SUPT3H: variants seen among roughly 807,000 people sequenced by gnomAD.
SUPT3H encodes the protein SPT3 homolog, SAGA and STAGA complex component, also known as transcription initiation protein SPT3 homolog.
In SUPT3H, 44 loss-of-function variants were observed where a neutral mutation model predicts 44.3. The ratio of observed to expected loss-of-function variants is 0.99; its 90% CI spans 0.78 to 1.28. The LOEUF is 1.28. Ranked by LOEUF, SUPT3H falls within the 50% of genes most tolerant of loss-of-function variation. The pLI is 0.00. For missense variants in SUPT3H, 380 were observed against 387.1 expected, an observed-to-expected ratio of 0.98 and a Z score of 0.15; for synonymous variants, 124 against 125.6, an observed-to-expected ratio of 0.99 and a Z score of 0.09.
Position 44,856,140 on chromosome 6 carries a change from C to T in SUPT3H, c.913-26283G>A, listed in dbSNP as rs148659788. ...TTGCTGAATAAGAAAGGAAGAAAAC[C>T]GCTTGTACTCAGTTGTCCTTTGCTT... On this transcript the variant is annotated intron_variant, in intron 10 of 10. Transcript: ENST00000371459. 2.9e-3 allele frequency among the ~76,000 whole-genome samples: 439 copies of T among 152,198 alleles called. 3 individuals are homozygous for T. Among genetic ancestry groups the T allele is most frequent in the Middle Eastern group, 0.01 (3 of 294 alleles).
chr6:44,907,634 T>C (rs1385662209), intron 10 of SUPT3H, among the ~76,000 whole-genome samples: 1 of 152,258 alleles, frequency 6.6e-6, no homozygotes, highest in Non-Finnish European at 1.5e-5. Context: ...GCCCAGATCA[T>C]GCCACTGCAC....
intron 2 of SUPT3H, among the ~76,000 whole-genome samples, chr6:45,282,583 T>C (rs545641968): frequency 1.3e-5 from 2 of 152,282 alleles, no homozygotes; most frequent in African/African-American, 4.8e-5. Context: ...TATGGGACTA[T>C]GTGAAAAGAC....
chr6:45,371,337 A>G (rs972578292), intron 1 of SUPT3H, among the ~76,000 whole-genome samples: 1 of 152,096 alleles, frequency 6.6e-6, no homozygotes, highest in Non-Finnish European at 1.5e-5. Context: ...TACTGTAGGC[A>G]TGTAAAAAAT....
intron 6 of SUPT3H, among the ~76,000 whole-genome samples, chr6:44,988,519 T>TAAAAAAAAAAAAAAA (rs66489332): frequency 1.0e-5 from 1 of 100,204 alleles, no homozygotes; most frequent in African/African-American, 3.9e-5. Flanking sequence ...AAGGCTTAAA[T>TAAAAAAAAAAAAAAA]AAAAAAAAAA....
At chr6:45,217,352 G>A (rs1765228352) in intron 2 of SUPT3H, among the ~76,000 whole-genome samples, 1 of 151,948 alleles carries the variant, frequency 6.6e-6, no homozygotes. Flanking sequence ...GTGCGCGTCT[G>A]TAATCCCAGC....
At chr6:45,047,029 T>C (rs944603180) in intron 3 of SUPT3H, among the ~76,000 whole-genome samples, 6 of 152,230 alleles carry the variant, frequency 3.9e-5, no homozygotes, top group East Asian at 1.9e-4. Flanking sequence ...ACAATTACAA[T>C]TGAATTTTGT....
intron 4 of SUPT3H, among the ~76,000 whole-genome samples, chr6:45,018,103 A>T (rs1345208631): frequency 6.6e-6 from 1 of 151,578 alleles, no homozygotes; most frequent in Non-Finnish European, 1.5e-5. Context: ...ATTCTCTTTG[A>T]AGCAATTGTG....
intron 8 of SUPT3H, among the ~76,000 whole-genome samples, chr6:44,953,924 G>A (rs1439354615): frequency 6.6e-6 from 1 of 152,044 alleles, no homozygotes; most frequent in East Asian, 1.9e-4. Flanking sequence ...TATTAGTAGA[G>A]ATGTGGTTTC....
chr6:45,300,255 T>C (rs1448406648), intron 2 of SUPT3H, among the ~76,000 whole-genome samples: 1 of 152,244 alleles, frequency 6.6e-6, no homozygotes, highest in Non-Finnish European at 1.5e-5. Context: ...GATTTCAGTT[T>C]GAATCGTACA....
chr6:45,375,694 C>T (rs959295394), intron 1 of SUPT3H, among the ~76,000 whole-genome samples: 9 of 152,152 alleles, frequency 5.9e-5, no homozygotes, highest in African/African-American at 2.4e-5. Context: ...CAAGCATGAG[C>T]CAACGTGCCT....
intron 9 of SUPT3H, among the ~76,000 whole-genome samples, chr6:44,944,435 C>T (rs1358087925): frequency 6.6e-6 from 1 of 151,788 alleles, no homozygotes. Context: ...CTTAATACAT[C>T]AAATATCACA....
intron 2 of SUPT3H, among the ~76,000 whole-genome samples, chr6:45,229,845 C>T (rs1035720804): frequency 6.6e-6 from 1 of 152,050 alleles, no homozygotes; most frequent in African/African-American, 2.4e-5. Flanking sequence ...GTATCAAGTC[C>T]TCTAGTTACT....
intron 10 of SUPT3H, among the ~76,000 whole-genome samples, chr6:44,870,013 A>G (rs1024641818): frequency 2.6e-5 from 4 of 152,246 alleles, no homozygotes; most frequent in Non-Finnish European, 5.9e-5. Flanking sequence ...GTACCCAAAC[A>G]CCTATAACCA....
At chr6:45,374,765 G>T (rs1397215980) in intron 1 of SUPT3H, among the ~76,000 whole-genome samples, 1 of 152,018 alleles carries the variant, frequency 6.6e-6, no homozygotes, top group Admixed American at 6.6e-5. Flanking sequence ...CTTCCAGAGG[G>T]AACCAAAACT....
chr6:45,061,405 G>A (rs575248665), intron 3 of SUPT3H, among the ~76,000 whole-genome samples: 16 of 152,204 alleles, frequency 1.1e-4, no homozygotes, highest in African/African-American at 2.9e-4. Context: ...ATGAGAACAC[G>A]TAGAAACACT....
chr6:44,979,444 T>C (rs1019614712), intron 6 of SUPT3H, among the ~76,000 whole-genome samples: 2 of 152,188 alleles, frequency 1.3e-5, no homozygotes, highest in African/African-American at 4.8e-5. Flanking sequence ...GTTATGATTG[T>C]TCTTTGAAAA....
chr6:44,937,093 CAT>C (rs1470453073), intron 9 of SUPT3H, among the ~76,000 whole-genome samples: 1 of 152,192 alleles, frequency 6.6e-6, no homozygotes, highest in Non-Finnish European at 1.5e-5. Context: ...TGCAAATAAA[CAT>C]ATGAGAGGAG....
intron 1 of SUPT3H, among the ~76,000 whole-genome samples, chr6:45,376,427 CAATT>C (rs963142759): frequency 6.6e-6 from 1 of 152,156 alleles, no homozygotes; most frequent in African/African-American, 2.4e-5. Flanking sequence ...AAACGTAAAT[CAATT>C]TATTAATTTA....
intron 6 of SUPT3H, among the ~76,000 whole-genome samples, chr6:44,977,129 T>C (rs897762485): frequency 7.2e-5 from 11 of 152,170 alleles, no homozygotes; most frequent in African/African-American, 1.9e-4. Flanking sequence ...TGTGGAATGA[T>C]TACAAAGAAA....
Sources: gnomAD v4.1 joint callset for allele counts (sites outside exome capture counted in the v4.1 genomes callset) on GRCh38, gnomAD v4.1.1 for gene constraint, MANE v1.5 for transcripts, NCBI Gene and HGNC (gene_info 2026-07-23, HGNC 2026-07-21) for gene names.